The following CDH11 variants were observed in gnomAD, a reference collection of about 807,000 sequenced individuals.
CDH11 encodes the protein cadherin 11.
A neutral mutation model predicts 67.8 loss-of-function variants in CDH11; 11 were observed. The ratio of observed to expected loss-of-function variants is 0.16; its 90% CI spans 0.10 to 0.27. CDH11 has a LOEUF of 0.27. Among genes scored for constraint, CDH11 ranks in the 10% least tolerant of loss-of-function variants. The pLI, the probability that CDH11 is intolerant of heterozygous loss-of-function variation, is 1.00. For missense variants in CDH11, 847 were observed against 1,031.2 expected (o/e 0.82, Z 2.45); for synonymous variants, 419 against 400.0 (o/e 1.05, Z -0.57).
At chr16:65,072,027 G>A (rs2074425947) in intron 1 of CDH11, 2 of 152,384 alleles carry the variant, frequency 1.3e-5, no homozygotes, top group East Asian at 3.9e-4. Flanking sequence ...CAGGCTTATT[G>A]ATTCCAGTGC....
intron 8 of CDH11, among the ~76,000 whole-genome samples, chr16:64,978,159 A>T (rs2142445711): frequency 6.6e-6 from 1 of 152,340 alleles, no homozygotes; most frequent in African/African-American, 2.4e-5. Context: ...CATCACTTCT[A>T]TCACGCCTCC....
At chr16:65,005,309 A>G (rs988872383) in intron 2 of CDH11, among the ~76,000 whole-genome samples, 1 of 152,160 alleles carries the variant, frequency 6.6e-6, no homozygotes, top group African/African-American at 2.4e-5. Flanking sequence ...CTCCATATTT[A>G]TCTGTTATAA....
intron 1 of CDH11, among the ~76,000 whole-genome samples, chr16:65,101,707 A>G (rs2074995235): frequency 6.6e-6 from 1 of 152,106 alleles, no homozygotes. Context: ...AATACATCAC[A>G]TTGCCGTGTA....
chr16:65,047,683 T>G (rs1241088282), intron 2 of CDH11, among the ~76,000 whole-genome samples: 2 of 152,172 alleles, frequency 1.3e-5, no homozygotes, highest in South Asian at 2.1e-4. Context: ...TTTATCTATT[T>G]TAACCATCTT....
chr16:65,098,723 G>A (rs759445785), intron 1 of CDH11, among the ~76,000 whole-genome samples: 4 of 152,060 alleles, frequency 2.6e-5, no homozygotes, highest in Non-Finnish European at 5.9e-5. Flanking sequence ...GAATATCATA[G>A]GTGCTTATCA....
At chr16:65,001,437 C>A (rs1405066553) in intron 3 of CDH11, among the ~76,000 whole-genome samples, 6 of 152,130 alleles carry the variant, frequency 3.9e-5, no homozygotes, top group Admixed American at 3.9e-4. Context: ...GGAGGCTTAC[C>A]TTTGTTCTTC....
At chr16:65,114,997 C>G (rs1467429161) in intron 1 of CDH11, among the ~76,000 whole-genome samples, 2 of 152,178 alleles carry the variant, frequency 1.3e-5, no homozygotes, top group Non-Finnish European at 2.9e-5. Context: ...CAAACAGGAA[C>G]AGTCTTGAAA....
At chr16:65,112,360 T>A (rs1041276466) in intron 1 of CDH11, among the ~76,000 whole-genome samples, 1 of 152,108 alleles carries the variant, frequency 6.6e-6, no homozygotes, top group Admixed American at 6.5e-5. Flanking sequence ...TCTCTCCCTA[T>A]CATGTAGGAG....
At chr16:65,066,199 A>T (rs1410799540) in intron 1 of CDH11, among the ~76,000 whole-genome samples, 1 of 152,170 alleles carries the variant, frequency 6.6e-6, no homozygotes, top group Non-Finnish European at 1.5e-5. Context: ...TCTGAACTGA[A>T]TATCTCTTCC....
At chr16:65,029,424 T>C (rs1414552596) in intron 2 of CDH11, among the ~76,000 whole-genome samples, 1 of 152,198 alleles carries the variant, frequency 6.6e-6, no homozygotes, top group Non-Finnish European at 1.5e-5. Context: ...AAAACTTGGC[T>C]CTGAGACTGA....
At chr16:64,991,170 C>T (rs1397701481) in intron 6 of CDH11, among the ~76,000 whole-genome samples, 1 of 152,066 alleles carries the variant, frequency 6.6e-6, no homozygotes, top group Non-Finnish European at 1.5e-5. Flanking sequence ...CAAAACCAGC[C>T]CACGCAGAAA....
At position 64,948,042 on chromosome 16, in the gene CDH11, A is replaced by G; in HGVS notation, c.1952T>C (p.Phe651Ser). ...RRQKKEPLIV[F>S]EEEDVRENII... Reference sequence around the variant, plus strand: ...GTTCTCACGGACATCTTCTTCCTCAAAGACAATGAGTGGTTCTTTCTTTTG... The same window carrying G: ...GTTCTCACGGACATCTTCTTCCTCAGAGACAATGAGTGGTTCTTTCTTTTG... Residue 651 changes from phenylalanine to serine, a missense_variant, in exon 13 of 13, where the codon TTT (phenylalanine) becomes TCT (serine). Around this residue, in one of 2 missense-constraint regions of CDH11, gnomAD observed 612 missense variants for 678.7 expected, o/e 0.90. Transcript: ENST00000268603. 5 of 1,614,096 alleles carry G rather than the reference A, an allele frequency of 3.1e-6. No homozygotes were observed. In the South Asian group the frequency reaches 5.5e-5, roughly 18 times the overall value.
intron 2 of CDH11, among the ~76,000 whole-genome samples, chr16:65,045,741 G>T (rs2073952225): frequency 6.6e-6 from 1 of 152,116 alleles, no homozygotes; most frequent in Non-Finnish European, 1.5e-5. Context: ...ATGCATGAAT[G>T]AATTAATGAA....
At chr16:64,970,067 AAACAGGGGTTGTTT>A (rs1323253196) in intron 11 of CDH11, among the ~76,000 whole-genome samples, 1 of 152,206 alleles carries the variant, frequency 6.6e-6, no homozygotes, top group Non-Finnish European at 1.5e-5. Flanking sequence ...TTACAAATTG[AAACAGGGGTTGTTT>A]CGTAGGCTTC....
intron 1 of CDH11, among the ~76,000 whole-genome samples, chr16:65,076,080 T>A (rs112754082): frequency 6.6e-6 from 1 of 152,174 alleles, no homozygotes; most frequent in East Asian, 1.9e-4. Flanking sequence ...TAGAATGAGA[T>A]GAGTGCACCT....
intron 11 of CDH11, among the ~76,000 whole-genome samples, chr16:64,954,445 C>G (rs1431582574): frequency 6.6e-6 from 1 of 152,148 alleles, no homozygotes; most frequent in Non-Finnish European, 1.5e-5. Context: ...TGATTGATAG[C>G]AAGCATGCCT....
chr16:65,062,332 T>A (rs2074246533), intron 1 of CDH11, among the ~76,000 whole-genome samples: 1 of 152,092 alleles, frequency 6.6e-6, no homozygotes, highest in Admixed American at 6.5e-5. Context: ...AGTATGCAAA[T>A]CTCCATATTC....
chr16:64,959,536 T>C (rs2071614951), intron 11 of CDH11, among the ~76,000 whole-genome samples: 1 of 152,190 alleles, frequency 6.6e-6, no homozygotes, highest in Admixed American at 6.5e-5. Flanking sequence ...AGAAGATCTA[T>C]TTATTTTTTT....
At chr16:65,041,948 CAG>C (rs138087843) in intron 2 of CDH11, among the ~76,000 whole-genome samples, 27 of 150,318 alleles carry the variant, frequency 1.8e-4, no homozygotes, top group Admixed American at 2.0e-4. Flanking sequence ...AGGAGGAACT[CAG>C]AGAGAGAGAG....
Sources: gnomAD v4.1 joint callset for allele counts (sites outside exome capture counted in the v4.1 genomes callset) on GRCh38, gnomAD v4.1.1 for gene constraint, gnomAD v4.1.1 regional missense constraint, MANE v1.5 for transcripts, NCBI Gene and HGNC (gene_info 2026-07-23, HGNC 2026-07-21) for gene names.